The following SH3RF1 variants were observed in gnomAD, a reference collection of about 807,000 sequenced individuals.
The protein encoded by SH3RF1 is E3 ubiquitin-protein ligase SH3RF1.
In SH3RF1, 32 loss-of-function variants were observed where a neutral mutation model predicts 74.0. That is an observed-to-expected ratio of 0.43 (90% confidence interval 0.33 to 0.58). The LOEUF (loss-of-function observed/expected upper bound fraction) is 0.58, where lower values mean the gene tolerates loss of function less well. Ranked by LOEUF, SH3RF1 falls within the 20% of genes least tolerant of loss-of-function variation. The pLI, the probability that SH3RF1 is intolerant of heterozygous loss-of-function variation, is 0.05. For synonymous variants in SH3RF1, 396 were observed against 439.6 expected, an observed-to-expected ratio of 0.90 and a Z score of 1.24; for missense variants, 954 against 1,130.9, an observed-to-expected ratio of 0.84 and a Z score of 2.24.
chr4:169,270,508 T>C (rs1182831517), intron 1 of SH3RF1, among the ~76,000 whole-genome samples: 1 of 152,210 alleles, frequency 6.6e-6, no homozygotes, highest in Middle Eastern at 3.2e-3. Flanking sequence ...AGGCTTAAGT[T>C]GCGAAACTCA....
At chr4:169,191,781 A>G (rs902701082) in intron 2 of SH3RF1, among the ~76,000 whole-genome samples, 4 of 152,168 alleles carry the variant, frequency 2.6e-5, no homozygotes, top group Non-Finnish European at 5.9e-5. Flanking sequence ...AAACAAAAAC[A>G]AAGTGGGGGA....
At chr4:169,257,017 G>A (rs1731202975) in intron 2 of SH3RF1, among the ~76,000 whole-genome samples, 1 of 152,226 alleles carries the variant, frequency 6.6e-6, no homozygotes, top group African/African-American at 2.4e-5. Context: ...TTGGGCATTT[G>A]AGATTCCTTA....
In SH3RF1 at chr4:169,107,206, C is replaced by G; in HGVS notation, c.2140-1G>C. The G allele has an allele frequency of 6.6e-7, 1 of 1,526,498 alleles. No individual in the cohort carries two copies. The highest frequency in any genetic ancestry group is 8.8e-7 in the Non-Finnish European group (1 of 1,137,870). The allele number at this position is 1,526,498 out of a possible 1,614,324, so 94.6% of individuals were successfully genotyped here. A position where few individuals can be genotyped will look rare whatever the true frequency, so the allele number is the denominator to read the frequency against. On this transcript the variant is annotated splice_acceptor_variant, in intron 10 of 11. Coordinates refer to ENST00000284637, the MANE Select transcript of SH3RF1 (RefSeq NM_020870.4). LOFTEE classifies it high-confidence loss of function. Reference sequence around the variant, plus strand: ...ACTTCAACAAACCCTTTTTTTCTTTCTGGAAAAAAAAAATAATGAGCCTTA... The same window carrying G: ...ACTTCAACAAACCCTTTTTTTCTTTGTGGAAAAAAAAAATAATGAGCCTTA...
intron 11 of SH3RF1, among the ~76,000 whole-genome samples, chr4:169,100,941 T>C (rs918779114): frequency 6.6e-6 from 1 of 152,172 alleles, no homozygotes; most frequent in Non-Finnish European, 1.5e-5. Flanking sequence ...CTCCCACCCA[T>C]ACCCTATCAC....
At chr4:169,166,356 C>T (rs72706468) in intron 2 of SH3RF1, 12,368 of 157,532 alleles carry the variant, frequency 0.079, 757 homozygotes, top group East Asian at 0.18. Context: ...AAGGTGAAAA[C>T]GGGTAACTTC....
chr4:169,182,416 A>G (rs574943697), intron 2 of SH3RF1, among the ~76,000 whole-genome samples: 1 of 152,356 alleles, frequency 6.6e-6, no homozygotes, highest in African/African-American at 2.4e-5. Flanking sequence ...GAATGCCAAT[A>G]TATTTTTTCT....
chr4:169,177,763 G>A (rs187364978), intron 2 of SH3RF1, among the ~76,000 whole-genome samples: 1 of 152,052 alleles, frequency 6.6e-6, no homozygotes, highest in Non-Finnish European at 1.5e-5. Flanking sequence ...ATAAAGTTTA[G>A]AGGTTAAAAG....
intron 2 of SH3RF1, among the ~76,000 whole-genome samples, chr4:169,169,592 G>C (rs1194255466): frequency 6.6e-6 from 1 of 151,562 alleles, no homozygotes; most frequent in Non-Finnish European, 1.5e-5. Flanking sequence ...GCAAGACACT[G>C]TTTCAAAAAA....
At chr4:169,244,440 G>A (rs1053321131) in intron 2 of SH3RF1, among the ~76,000 whole-genome samples, 1 of 151,606 alleles carries the variant, frequency 6.6e-6, no homozygotes. Context: ...CTGCACAGAT[G>A]ATCTCTTTCT....
chr4:169,184,146 C>T (rs1050173388), intron 2 of SH3RF1, among the ~76,000 whole-genome samples: 1 of 152,194 alleles, frequency 6.6e-6, no homozygotes, highest in Non-Finnish European at 1.5e-5. Context: ...GCACTCCCAC[C>T]GGCAGGCTTA....
chr4:169,213,315 C>A (rs1730410553), intron 2 of SH3RF1, among the ~76,000 whole-genome samples: 1 of 152,194 alleles, frequency 6.6e-6, no homozygotes, highest in Non-Finnish European at 1.5e-5. Flanking sequence ...ATATGTATAT[C>A]TACTTTGGTG....
chr4:169,266,819 GTTCTTT>G (rs1731364137), intron 2 of SH3RF1, among the ~76,000 whole-genome samples: 1 of 152,150 alleles, frequency 6.6e-6, no homozygotes, highest in African/African-American at 2.4e-5. Context: ...AAAAAAGGCT[GTTCTTT>G]TTCTAAGTAT....
At chr4:169,155,435 T>C (rs1734034050) in intron 4 of SH3RF1, 45 bp downstream of exon 4, 2 of 1,421,844 alleles carry the variant, frequency 1.4e-6, no homozygotes, top group African/African-American at 1.4e-5. Context: ...ATTTATTTAG[T>C]AAGCTGAATA....
At chr4:169,194,880 A>G (rs1317551390) in intron 2 of SH3RF1, among the ~76,000 whole-genome samples, 2 of 152,204 alleles carry the variant, frequency 1.3e-5, no homozygotes, top group African/African-American at 4.8e-5. Flanking sequence ...TCTCATCTGT[A>G]ACAAATGACA....
At chr4:169,239,742 C>G (rs979366614) in intron 2 of SH3RF1, among the ~76,000 whole-genome samples, 2 of 152,122 alleles carry the variant, frequency 1.3e-5, no homozygotes, top group Non-Finnish European at 2.9e-5. Flanking sequence ...TAAGATCGGC[C>G]GAGTGCAGTG....
intron 2 of SH3RF1, among the ~76,000 whole-genome samples, chr4:169,169,339 G>A (rs1435502197): frequency 2.6e-5 from 4 of 152,192 alleles, no homozygotes; most frequent in African/African-American, 7.2e-5. Context: ...GCTCACACCT[G>A]TAATCCCAGC....
At chr4:169,247,660 G>T (rs142079487) in intron 2 of SH3RF1, among the ~76,000 whole-genome samples, 23 of 152,290 alleles carry the variant, frequency 1.5e-4, no homozygotes, top group African/African-American at 5.5e-4. Context: ...CAATAAAGGG[G>T]TTGTGGATCT....
chr4:169,198,773 A>C (rs995698599), intron 2 of SH3RF1, among the ~76,000 whole-genome samples: 1 of 152,194 alleles, frequency 6.6e-6, no homozygotes, highest in Non-Finnish European at 1.5e-5. Flanking sequence ...AAAAAAGAGA[A>C]TCTAACAAAG....
chr4:169,135,752 G>A (rs1252779609), intron 5 of SH3RF1, among the ~76,000 whole-genome samples: 2 of 152,088 alleles, frequency 1.3e-5, no homozygotes, highest in African/African-American at 2.4e-5. Flanking sequence ...TAAGAATAAC[G>A]CGTGGCTATT....
Sources: allele counts gnomAD v4.1 joint callset (sites outside exome capture counted in the v4.1 genomes callset), GRCh38; gene constraint gnomAD v4.1.1; transcripts MANE v1.5; gene names NCBI Gene and HGNC (gene_info 2026-07-23, HGNC 2026-07-21).